Variants in CATSPERD observed in about 807,000 individuals in gnomAD.
CATSPERD encodes the protein catsper channel auxiliary subunit delta, also known as cation channel sperm-associated auxiliary subunit delta.
CATSPERD carries 86 observed loss-of-function variants against 98.1 expected under a neutral mutation model. That is an observed-to-expected ratio of 0.88 (90% CI 0.74 to 1.05). CATSPERD has a LOEUF of 1.05. Among genes scored for constraint, CATSPERD ranks in the 50% least tolerant of loss-of-function variants. CATSPERD has a pLI of 0.00. For missense variants in CATSPERD, 995 were observed against 1,005.7 expected (o/e 0.99, Z 0.14); for synonymous variants, 394 against 390.2 (o/e 1.01, Z -0.12).
At chr19:5,727,918 C>T (rs922954646) in intron 3 of CATSPERD, among the ~76,000 whole-genome samples, 2 of 150,960 alleles carry the variant, frequency 1.3e-5, no homozygotes, top group Non-Finnish European at 2.9e-5. Flanking sequence ...AGGCCAGGTG[C>T]AGTGACTCAT....
At chr19:5,766,179 C>T (rs972731064) in intron 17 of CATSPERD, 24 bp downstream of exon 17, 1 of 1,602,986 alleles carries the variant, frequency 6.2e-7, no homozygotes, top group Non-Finnish European at 8.5e-7. Flanking sequence ...GGCCGGGCAC[C>T]ATGGCTCATT....
intron 13 of CATSPERD, among the ~76,000 whole-genome samples, chr19:5,757,472 T>G (rs1413402411): frequency 1.3e-5 from 2 of 151,538 alleles, no homozygotes; most frequent in South Asian, 4.2e-4. Flanking sequence ...TAATTTTGTA[T>G]TTTTAGTAGA....
chr19:5,769,090 G>C (rs556076905), intron 18 of CATSPERD, among the ~76,000 whole-genome samples: 1 of 151,652 alleles, frequency 6.6e-6, no homozygotes, highest in Non-Finnish European at 1.5e-5. Context: ...GGAGGCAGAG[G>C]TTGCAGTGAG....
intron 13 of CATSPERD, 90 bp from the exon 14 acceptor site, chr19:5,757,753 T>C (rs2145809207): frequency 1.1e-6 from 1 of 923,442 alleles, no homozygotes; most frequent in Non-Finnish European, 1.7e-6. Context: ...GATTTTTCAT[T>C]TGAAGGTGTG....
intron 11 of CATSPERD, 21 bp from the exon 12 acceptor site, chr19:5,751,626 C>G: frequency 7.1e-7 from 1 of 1,413,564 alleles, no homozygotes; most frequent in Non-Finnish European, 9.4e-7. Flanking sequence ...GATTAGATCT[C>G]AGGAATCATT....
chr19:5,737,058 A>C (rs1305961880), intron 5 of CATSPERD, 80 bp from the exon 6 acceptor site: 1 of 934,522 alleles, frequency 1.1e-6, no homozygotes, highest in Non-Finnish European at 1.7e-6. Context: ...CTCTGTCTCA[A>C]AAACAAAACA....
intron 7 of CATSPERD, among the ~76,000 whole-genome samples, chr19:5,743,956 A>G (rs2145749572): frequency 6.6e-6 from 1 of 152,144 alleles, no homozygotes; most frequent in Non-Finnish European, 1.5e-5. Context: ...TCTTCTTTCA[A>G]GTTTTTGCCC....
chr19:5,758,573 C>CAAAAAAAAAA (rs71172762), intron 14 of CATSPERD, among the ~76,000 whole-genome samples: 1 of 109,696 alleles, frequency 9.1e-6, no homozygotes, highest in African/African-American at 3.5e-5. Context: ...ACTAAAAATA[C>CAAAAAAAAAA]AAAAAAAAAA....
At chr19:5,728,560 T>C (rs2145686312) in intron 3 of CATSPERD, among the ~76,000 whole-genome samples, 1 of 150,988 alleles carries the variant, frequency 6.6e-6, no homozygotes, top group East Asian at 2.0e-4. Flanking sequence ...ACCGTCTCTG[T>C]CATCAACAGC....
chr19:5,758,923 C>CAAAAAA (rs1002375684), intron 14 of CATSPERD, among the ~76,000 whole-genome samples, 163 bp from the exon 15 acceptor site: 1 of 39,486 alleles, frequency 2.5e-5, no homozygotes, highest in African/African-American at 8.9e-5. Flanking sequence ...GACTCCATCT[C>CAAAAAA]AAAAAAAAAA....
At chr19:5,769,162 A>G (rs367633776) in intron 18 of CATSPERD, among the ~76,000 whole-genome samples, 9 of 149,572 alleles carry the variant, frequency 6.0e-5, no homozygotes, top group South Asian at 2.1e-4. Flanking sequence ...TCAAAAAAAA[A>G]AGAGAGAGAG....
At chr19:5,735,311 G>A (rs1163368703) in intron 5 of CATSPERD, among the ~76,000 whole-genome samples, 2 of 145,594 alleles carry the variant, frequency 1.4e-5, no homozygotes, top group Non-Finnish European at 3.0e-5. Flanking sequence ...CTAATTTTTT[G>A]TTTGTTAGTT....
intron 16 of CATSPERD, among the ~76,000 whole-genome samples, chr19:5,765,401 GATTTATTCATTC>G (rs774556945): frequency 3.7e-4 from 51 of 139,406 alleles, no homozygotes; most frequent in Non-Finnish European, 3.6e-4. Context: ...CTAGGCCATT[GATTTATTCATTC>G]ATTCATTCAT....
chr19:5,745,977 G>C lies in CATSPERD; in HGVS notation c.722G>C (p.Gly241Ala). ...TTCGGGCTGTCTTTTGACTATAATG[G>C]GACTCTAGACATCCTCATCGCCCCC... ...RSFGLSFDYN[G>A]TLDILIAPGQ... The change falls in exon 9 of 22, where the codon GGG becomes GCG. Residue 241 changes from glycine (G) to alanine (A), a missense_variant. Gly to Ala is a moderately conservative substitution (Grantham distance 60, BLOSUM62 0). Coordinates refer to ENST00000381624, the MANE Select transcript of CATSPERD (RefSeq NM_152784.4). 1 of 1,614,070 alleles carries C rather than the reference G, an allele frequency of 6.2e-7. No homozygotes were observed. The highest frequency in any genetic ancestry group is 1.1e-5 in the South Asian group (1 of 91,074).
intron 20 of CATSPERD, among the ~76,000 whole-genome samples, chr19:5,774,220 C>T (rs1029861303): frequency 6.6e-6 from 1 of 151,834 alleles, no homozygotes; most frequent in African/African-American, 2.4e-5. Flanking sequence ...CCCGCCTCGG[C>T]CTCCCAAAGT....
intron 11 of CATSPERD, among the ~76,000 whole-genome samples, chr19:5,750,270 A>T (rs1329132166): frequency 6.7e-6 from 1 of 148,304 alleles, no homozygotes; most frequent in Non-Finnish European, 1.5e-5. Context: ...AACACGGTGA[A>T]ACCCCGTCTC....
At chr19:5,723,341 G>A (rs1262039213) in intron 1 of CATSPERD, among the ~76,000 whole-genome samples, 2 of 151,820 alleles carry the variant, frequency 1.3e-5, no homozygotes, top group Non-Finnish European at 2.9e-5. Flanking sequence ...GGAGTGCAGT[G>A]TGGCAAGAGC....
At chr19:5,741,793 G>T (rs1158219882) in intron 7 of CATSPERD, among the ~76,000 whole-genome samples, 1 of 96,172 alleles carries the variant, frequency 1.0e-5, no homozygotes, top group Non-Finnish European at 2.4e-5. Flanking sequence ...GGCGGGGGGG[G>T]GGGGGTGGTG....
In CATSPERD at chr19:5,778,391, G is replaced by T; in HGVS notation, c.2112G>T (p.Glu704Asp). Reference protein sequence around the residue: ...VDPYYSYCQLETIFSIYVYGA... With the variant: ...VDPYYSYCQLDTIFSIYVYGA... ...CCCACCGCAGCTACTGTCAACTGGA[G>T]ACCATCTTTAGCATCTACGTGTATG... The change falls in exon 22 of 22, where the codon GAG (glutamate) becomes GAT (aspartate). Residue 704 changes from glutamate to aspartate, a missense_variant. Coordinates refer to ENST00000381624, the MANE Select transcript of CATSPERD (RefSeq NM_152784.4). 3 of 1,608,754 alleles carry T rather than the reference G, an allele frequency of 1.9e-6. No homozygotes were observed. The highest frequency in any genetic ancestry group is 2.6e-6 in the Non-Finnish European group (3 of 1,176,268).
Sources: gnomAD v4.1 joint callset for allele counts (sites outside exome capture counted in the v4.1 genomes callset) on GRCh38, gnomAD v4.1.1 for gene constraint, MANE v1.5 for transcripts, NCBI Gene and HGNC (gene_info 2026-07-23, HGNC 2026-07-21) for gene names.